MORN1: variants seen among roughly 807,000 people sequenced by gnomAD.
MORN1 encodes the protein MORN repeat-containing protein 1.
MORN1 carries 67 observed loss-of-function variants against 61.9 expected under a neutral mutation model. The observed-to-expected ratio is 1.08, with a 90% CI of 0.89 to 1.33. The LOEUF (loss-of-function observed/expected upper bound fraction) is 1.33, where lower values mean the gene tolerates loss of function less well. Ranked by LOEUF, MORN1 falls within the 40% of genes most tolerant of loss-of-function variation. The pLI, the probability that MORN1 is intolerant of heterozygous loss-of-function variation, is 0.00. For synonymous variants in MORN1, 301 were observed against 292.0 expected (o/e 1.03, Z -0.31); for missense variants, 752 against 691.2 (o/e 1.09, Z -0.99).
In MORN1 at chr1:2,389,988, C is replaced by T. The variant is rs1642605205; in HGVS notation, c.85G>A (p.Val29Ile). The T allele has an allele frequency of 2.5e-6, 4 of 1,613,752 alleles. No individual in the cohort carries two copies. The highest frequency in any genetic ancestry group is 3.4e-6 in the Non-Finnish European group (4 of 1,179,704). ...AAGAAGGAATTTGGGTATACGTAGA[C>T]ACCATAACCTGAGTATTGAGAAGAC... ...PRRPPRNGYG[V>I]YVYPNSFFRY... The change falls in exon 2 of 14, where the codon GTC becomes ATC. Residue 29 changes from valine (V) to isoleucine (I), a missense_variant. Coordinates refer to ENST00000378531, the MANE Select transcript of MORN1 (RefSeq NM_024848.3).
intron 1 of MORN1, chr1:2,390,862 C>T (rs1387508716): frequency 3.8e-6 from 2 of 528,132 alleles, no homozygotes; most frequent in African/African-American, 4.1e-5. Context: ...GATTCTCCTG[C>T]CTCAGCCTCC....
chr1:2,378,599 T>C (rs1443533010), intron 6 of MORN1: 1 of 251,310 alleles, frequency 4.0e-6, no homozygotes, highest in Non-Finnish European at 7.9e-6. Context: ...AGCTGGCGTG[T>C]GAGACAGCCA....
At chr1:2,362,431 G>T (rs1410521892) in intron 8 of MORN1, among the ~76,000 whole-genome samples, 2 of 151,950 alleles carry the variant, frequency 1.3e-5, no homozygotes, top group Non-Finnish European at 2.9e-5. Context: ...TTGTTCAAGG[G>T]TCAACTGTAC....
chr1:2,344,685 T>C (rs1338993558), intron 10 of MORN1, among the ~76,000 whole-genome samples: 4 of 152,218 alleles, frequency 2.6e-5, no homozygotes, highest in Admixed American at 2.6e-4. Flanking sequence ...GCTGCACAGA[T>C]GGGGCCCGGC....
intron 2 of MORN1, chr1:2,388,604 C>G: frequency 7.5e-6 from 3 of 398,334 alleles, no homozygotes; most frequent in Non-Finnish European, 1.4e-5. Flanking sequence ...ACGGAGAGAC[C>G]CCGTCTCTAC....
intron 12 of MORN1, among the ~76,000 whole-genome samples, chr1:2,327,173 CAAACACAG>C (rs1253505601): frequency 7.5e-6 from 1 of 134,162 alleles, no homozygotes; most frequent in Admixed American, 7.2e-5. Flanking sequence ...CAGACAGAAA[CAAACACAG>C]AGACACAGAG....
intron 10 of MORN1, among the ~76,000 whole-genome samples, chr1:2,344,097 A>G (rs1305501201): frequency 1.3e-5 from 2 of 152,192 alleles, no homozygotes; most frequent in Non-Finnish European, 2.9e-5. Flanking sequence ...GGCCTGGTCC[A>G]GACCCACCAG....
intron 6 of MORN1, among the ~76,000 whole-genome samples, chr1:2,380,808 G>A (rs1248518647): frequency 1.3e-5 from 2 of 152,122 alleles, no homozygotes; most frequent in African/African-American, 4.8e-5. Flanking sequence ...CTCCCACCTC[G>A]GCCTCCCAAA....
chr1:2,327,319 CAG>C (rs1473769553), intron 12 of MORN1, among the ~76,000 whole-genome samples: 1 of 151,314 alleles, frequency 6.6e-6, no homozygotes, highest in Non-Finnish European at 1.5e-5. Flanking sequence ...CACAGAGACA[CAG>C]AAACACACAG....
intron 12 of MORN1, among the ~76,000 whole-genome samples, chr1:2,324,399 G>GC (rs1640952305): frequency 6.6e-6 from 1 of 152,220 alleles, no homozygotes; most frequent in African/African-American, 2.4e-5. Flanking sequence ...TGTGCTTATG[G>GC]CCTTGGAGCA....
chr1:2,385,142 A>C (rs749225061), intron 5 of MORN1, 77 bp from the exon 6 acceptor site: 63 of 1,452,656 alleles, frequency 4.3e-5, no homozygotes, highest in Non-Finnish European at 5.7e-5. Flanking sequence ...GGCTCCTCCC[A>C]CCGGGCTCCG....
intron 13 of MORN1, chr1:2,323,070 C>T (rs61762082): frequency 0.1 from 100,740 of 985,306 alleles, 5,929 homozygotes; most frequent in African/African-American, 0.24. Flanking sequence ...CGAGCGGCTG[C>T]GCACAGGTGC....
At chr1:2,333,264 C>T (rs1641197691) in intron 12 of MORN1, among the ~76,000 whole-genome samples, 2 of 152,232 alleles carry the variant, frequency 1.3e-5, no homozygotes, top group Admixed American at 1.3e-4. Context: ...AGGCCGGGGA[C>T]AGGCCCCACA....
chr1:2,355,179 G>C (rs927509542), intron 10 of MORN1: 31 of 1,207,012 alleles, frequency 2.6e-5, no homozygotes, highest in Non-Finnish European at 3.2e-5. Flanking sequence ...ATGGCGCCCA[G>C]TAAGTATTTT....
At chr1:2,342,867 ATTTAT>A (rs1553211058) in intron 10 of MORN1, among the ~76,000 whole-genome samples, 3,492 of 100,704 alleles carry the variant, frequency 0.035, 76 homozygotes, top group Middle Eastern at 0.048. Context: ...ATTTTATTTT[ATTTAT>A]TTTATTTTAT....
At chr1:2,388,582 A>T (rs568841897) in intron 2 of MORN1, 5 of 463,602 alleles carry the variant, frequency 1.1e-5, no homozygotes, top group Admixed American at 7.4e-5. Flanking sequence ...GCAGGCAGCC[A>T]GCCTGAGCAA....
At chr1:2,345,829 C>CCACACACACACA (rs57669691) in intron 10 of MORN1, among the ~76,000 whole-genome samples, 3,528 of 149,064 alleles carry the variant, frequency 0.024, 117 homozygotes, top group African/African-American at 0.067. Flanking sequence ...ATGTATGCGG[C>CCACACACACACA]CACACACACA....
rs778149995 is a variant in MORN1 at position 2,387,412 on chromosome 1, G to A, written c.358+7C>T. On this transcript the variant is annotated splice_region_variant and intron_variant, in intron 4 of 13. Coordinates refer to ENST00000378531, the MANE Select transcript of MORN1 (RefSeq NM_024848.3). Reference sequence around the variant, plus strand: ...CTCACAGCACCCGGCTCCTGTGGGCGCCAGACCTTCCCGCATGCCGTGGGA... The same window carrying A: ...CTCACAGCACCCGGCTCCTGTGGGCACCAGACCTTCCCGCATGCCGTGGGA... 9.1e-5 allele frequency: 146 copies of A among 1,608,358 alleles called. No individual in the cohort carries two copies. The highest frequency in any genetic ancestry group is 1.1e-4 in the Non-Finnish European group (134 of 1,176,298).
intron 8 of MORN1, among the ~76,000 whole-genome samples, chr1:2,364,200 G>T (rs2100320612): frequency 6.6e-6 from 1 of 152,156 alleles, no homozygotes; most frequent in African/African-American, 2.4e-5. Flanking sequence ...AGTTACTAGG[G>T]ATAAAGAAAG....
Sources: allele counts gnomAD v4.1 joint callset (sites outside exome capture counted in the v4.1 genomes callset), GRCh38; gene constraint gnomAD v4.1.1; transcripts MANE v1.5; gene names NCBI Gene and HGNC (gene_info 2026-07-23, HGNC 2026-07-21).